The following CSMD3 variants were observed in gnomAD, a reference collection of about 807,000 sequenced individuals.
CSMD3 encodes CUB and sushi domain-containing protein 3.
In CSMD3, 177 loss-of-function variants were observed where a neutral mutation model predicts 435.2. That is an observed-to-expected ratio of 0.41 (90% CI 0.36 to 0.46). The LOEUF is 0.46. Among genes scored for constraint, CSMD3 ranks in the 20% least tolerant of loss-of-function variants. The pLI is 0.34. For synonymous variants in CSMD3, 1,656 were observed against 1,520.5 expected (o/e 1.09, Z -2.07); for missense variants, 4,265 against 4,504.6 (o/e 0.95, Z 1.52).
intron 31 of CSMD3, among the ~76,000 whole-genome samples, chr8:112,483,407 C>T (rs1408687350): frequency 6.6e-6 from 1 of 152,010 alleles, no homozygotes; most frequent in Non-Finnish European, 1.5e-5. Context: ...GCAAGAGAAC[C>T]AGGAGGCAGA....
At chr8:113,008,725 C>G (rs948157518) in intron 6 of CSMD3, among the ~76,000 whole-genome samples, 1 of 151,496 alleles carries the variant, frequency 6.6e-6, no homozygotes, top group Non-Finnish European at 1.5e-5. Flanking sequence ...ATACTAAAAT[C>G]TTTCTAGTAC....
intron 61 of CSMD3, among the ~76,000 whole-genome samples, chr8:112,257,868 T>C (rs966354822): frequency 6.6e-6 from 1 of 152,142 alleles, no homozygotes; most frequent in African/African-American, 2.4e-5. Flanking sequence ...TCACGCTACC[T>C]GACTTCAAAC....
rs975247913 is a variant in CSMD3 at position 113,255,955 on chromosome 8, C to T, written c.514+22637G>A. On this transcript the variant is annotated intron_variant, in intron 3 of 70. Transcript: ENST00000297405. ...TAAAGTAATTATACATAGACTGTGTCATTATTTAAGCCTCCAATTCTTTGT... is the reference window on the plus strand; with the variant it reads ...TAAAGTAATTATACATAGACTGTGTTATTATTTAAGCCTCCAATTCTTTGT... Among the ~76,000 whole-genome samples, 3 of 151,872 alleles carry T rather than the reference C, an allele frequency of 2.0e-5. No individual in the cohort carries two copies. The East Asian group carries it at 5.8e-4, about 29-fold the overall frequency.
chr8:113,140,164 T>C (rs531794189), intron 4 of CSMD3, among the ~76,000 whole-genome samples: 6 of 151,170 alleles, frequency 4.0e-5, no homozygotes, highest in African/African-American at 1.4e-4. Context: ...ACGGACATTA[T>C]ATATAATGAT....
At chr8:112,269,275 T>C (rs1366377123) in intron 59 of CSMD3, among the ~76,000 whole-genome samples, 1 of 152,154 alleles carries the variant, frequency 6.6e-6, no homozygotes. Context: ...ATTTTCAGAT[T>C]TGTGACAAAA....
At chr8:112,323,300 T>C (rs557200515) in intron 45 of CSMD3, among the ~76,000 whole-genome samples, 1 of 152,084 alleles carries the variant, frequency 6.6e-6, no homozygotes, top group Admixed American at 6.6e-5. Flanking sequence ...TTCTTTAACA[T>C]AACTCTATGA....
chr8:113,053,952 G>T (rs1331399615), intron 5 of CSMD3, among the ~76,000 whole-genome samples: 2 of 152,114 alleles, frequency 1.3e-5, no homozygotes, highest in Non-Finnish European at 2.9e-5. Context: ...GTGTATCTAT[G>T]TATCCTTTTC....
intron 13 of CSMD3, among the ~76,000 whole-genome samples, chr8:112,706,258 T>C (rs907921377): frequency 1.3e-5 from 2 of 152,048 alleles, no homozygotes; most frequent in Admixed American, 1.3e-4. Flanking sequence ...AAAAAAAATC[T>C]TGAAATTGTA....
chr8:113,155,000 C>T (rs1465928107), intron 4 of CSMD3, among the ~76,000 whole-genome samples: 1 of 151,898 alleles, frequency 6.6e-6, no homozygotes, highest in Non-Finnish European at 1.5e-5. Flanking sequence ...AAACAAGCTA[C>T]TTTGGGGACT....
At chr8:113,042,252 G>A (rs888301169) in intron 5 of CSMD3, among the ~76,000 whole-genome samples, 1 of 152,056 alleles carries the variant, frequency 6.6e-6, no homozygotes, top group Non-Finnish European at 1.5e-5. Context: ...TAACAGCAGC[G>A]ATCATGGTTA....
chr8:112,885,823 CA>C (rs2130263398), intron 10 of CSMD3, among the ~76,000 whole-genome samples: 1 of 151,778 alleles, frequency 6.6e-6, no homozygotes, highest in East Asian at 2.0e-4. Flanking sequence ...TACTTGTAAG[CA>C]CATCTAACAA....
chr8:113,017,382 T>C (rs2086504458), intron 6 of CSMD3, among the ~76,000 whole-genome samples: 1 of 151,964 alleles, frequency 6.6e-6, no homozygotes, highest in South Asian at 2.1e-4. Flanking sequence ...AGGTACCAGC[T>C]CCATGAAATC....
intron 27 of CSMD3, among the ~76,000 whole-genome samples, chr8:112,537,027 G>A (rs985202872): frequency 1.3e-5 from 2 of 151,984 alleles, no homozygotes; most frequent in Non-Finnish European, 2.9e-5. Flanking sequence ...TTTGGGGTAG[G>A]GGGAAGGGGG....
At position 112,311,019 on chromosome 8, in the gene CSMD3, T is replaced by C. The variant is rs781696125; in HGVS notation, c.7844A>G (p.Tyr2615Cys). ...TGGCGCATCCCATGCATGATACCCA[T>C]AGGAAGACTTTCTGCACACAGCACT... ...KSSAVCRKSS[Y>C]GYHAWDAPVP... Residue 2615 changes from tyrosine to cysteine, a missense_variant, in exon 50 of 71, where the codon TAT becomes TGT. Transcript: ENST00000297405. The C allele has an allele frequency of 1.9e-6, 3 of 1,614,010 alleles. No homozygotes were observed. Among genetic ancestry groups the C allele is most frequent in the Admixed American group, 1.7e-5 (1 of 59,994 alleles).
At chr8:113,099,153 A>G (rs892481133) in intron 4 of CSMD3, among the ~76,000 whole-genome samples, 190 bp from the exon 5 acceptor site, 11 of 152,110 alleles carry the variant, frequency 7.2e-5, no homozygotes, top group Non-Finnish European at 4.4e-5. Flanking sequence ...ATATACAAGT[A>G]TAAAGTATAT....
intron 22 of CSMD3, among the ~76,000 whole-genome samples, chr8:112,618,649 C>T (rs7825574): frequency 6.6e-6 from 1 of 151,230 alleles, no homozygotes; most frequent in Non-Finnish European, 1.5e-5. Flanking sequence ...TAGACACAGA[C>T]AATGTGGATT....
At chr8:112,484,450 T>C (rs564553092) in intron 31 of CSMD3, among the ~76,000 whole-genome samples, 24 of 152,190 alleles carry the variant, frequency 1.6e-4, no homozygotes, top group African/African-American at 5.8e-4. Flanking sequence ...TACTTTATTT[T>C]CTTCACTTGT....
intron 13 of CSMD3, among the ~76,000 whole-genome samples, chr8:112,770,266 G>C (rs1362180943): frequency 6.6e-6 from 1 of 151,952 alleles, no homozygotes; most frequent in Non-Finnish European, 1.5e-5. Flanking sequence ...ACCTTTAAAG[G>C]GTAAAGGTGG....
rs1056585386 is a variant in CSMD3, at chr8:113,298,374, A to G, written c.401+16197T>C. On this transcript the variant is annotated intron_variant, in intron 2 of 70. Coordinates refer to ENST00000297405, the MANE Select transcript of CSMD3 (RefSeq NM_198123.2). ...ATGATAATAGTGGGATTCATTTTAT[A>G]ACATTAGCACTTCAACTGTAAATTG... is the stretch of plus-strand genomic sequence containing the variant. 6.6e-5 allele frequency among the ~76,000 whole-genome samples: 10 copies of G among 152,134 alleles called. 1 individual carries two copies. The highest frequency in any genetic ancestry group is 8.8e-5 in the Non-Finnish European group (6 of 67,998).
Sources: allele counts gnomAD v4.1 joint callset (sites outside exome capture counted in the v4.1 genomes callset), GRCh38; gene constraint gnomAD v4.1.1; transcripts MANE v1.5; gene names NCBI Gene and HGNC (gene_info 2026-07-23, HGNC 2026-07-21).